The following THSD7B variants were observed in gnomAD, a reference collection of about 807,000 sequenced individuals.
THSD7B encodes thrombospondin type 1 domain containing 7B.
THSD7B carries 138 observed loss-of-function variants against 213.6 expected under a neutral mutation model. That is an observed-to-expected ratio of 0.65 (90% CI 0.56 to 0.74). The LOEUF is 0.74. THSD7B is among the 30% of genes least tolerant of loss of function. THSD7B has a pLI of 0.00. For synonymous variants in THSD7B, 742 were observed against 687.0 expected (o/e 1.08, Z -1.25); for missense variants, 1,931 against 1,991.5 (o/e 0.97, Z 0.58).
intron 8 of THSD7B, among the ~76,000 whole-genome samples, chr2:137,231,577 C>T (rs1450634550): frequency 9.8e-6 from 1 of 101,728 alleles, no homozygotes; most frequent in African/African-American, 2.7e-5. Context: ...CAGTTGGGAA[C>T]ATAATTAGAC....
intron 5 of THSD7B, among the ~76,000 whole-genome samples, chr2:137,123,254 G>GCAATCTGGAGGATA (rs1261584807): frequency 6.6e-6 from 1 of 152,160 alleles, no homozygotes; most frequent in East Asian, 1.9e-4. Context: ...GCTGGATGCT[G>GCAATCTGGAGGATA]CAATCTGGAG....
chr2:136,775,575 A>T (rs1396195569), intron 1 of THSD7B, among the ~76,000 whole-genome samples: 1 of 152,150 alleles, frequency 6.6e-6, no homozygotes, highest in Non-Finnish European at 1.5e-5. Flanking sequence ...CAGTCACACT[A>T]AGTGATCTTT....
At chr2:137,155,594 A>C (rs1246926123) in intron 5 of THSD7B, among the ~76,000 whole-genome samples, 1 of 152,126 alleles carries the variant, frequency 6.6e-6, no homozygotes, top group Admixed American at 6.6e-5. Context: ...CCTTCACTCC[A>C]CCCACTTCCT....
At position 136,874,448 on chromosome 2, in the gene THSD7B, AT is replaced by A. The variant is rs1683492310; in HGVS notation, c.-35-7695del. ...GTTGATCGGCCATCTTTATTGAGCCATCTTCTCTGCACAGTTACCATGAGAT... is the reference window on the plus strand; with the variant it reads ...GTTGATCGGCCATCTTTATTGAGCCACTTCTCTGCACAGTTACCATGAGAT... On this transcript the variant is annotated intron_variant, in intron 1 of 27. Coordinates refer to ENST00000409968, the MANE Select transcript of THSD7B (RefSeq NM_001316349.2). Among the ~76,000 whole-genome samples, 25 of 152,346 alleles carry A rather than the reference AT, an allele frequency of 1.6e-4. No individual in the cohort carries two copies. The East Asian group carries it at 2.3e-3, about 14-fold the overall frequency.
rs571691535 is a variant in THSD7B, at chr2:137,395,179, G to T, written c.2501-10434G>T. ...TTCCTTCTCCTGCCTAATTGCCCTGGCTAGAACTTCCAACACTATGTTGAA... is the reference window on the plus strand; with the variant it reads ...TTCCTTCTCCTGCCTAATTGCCCTGTCTAGAACTTCCAACACTATGTTGAA... On this transcript the variant is annotated intron_variant, in intron 12 of 27. Transcript: ENST00000409968. Among the ~76,000 whole-genome samples the T allele has an allele frequency of 6.0e-3, 869 of 145,160 alleles. 23 individuals are homozygous for T. Among genetic ancestry groups the T allele is most frequent in the Non-Finnish European group, 0.01 (675 of 65,332 alleles).
intron 2 of THSD7B, among the ~76,000 whole-genome samples, chr2:137,003,437 A>G (rs1686039614): frequency 6.6e-6 from 1 of 152,228 alleles, no homozygotes; most frequent in African/African-American, 2.4e-5. Flanking sequence ...GGGGTGTAAC[A>G]ATAGAAGAAT....
rs144124265 is a variant in THSD7B at position 137,061,708 on chromosome 2, A to G, written c.950+4478A>G. ...AACCAGCCTTGTGTATGTGGAATAA[A>G]TCCCACTTAGCTGCGACGTAAATTC... On this transcript the variant is annotated intron_variant, in intron 3 of 27. Transcript: ENST00000409968. 5.9e-5 allele frequency among the ~76,000 whole-genome samples: 9 copies of G among 151,952 alleles called. No individual in the cohort carries two copies. The East Asian group carries it at 1.7e-3, about 29-fold the overall frequency.
Position 137,470,910 on chromosome 2 carries a change from CTTTTT to C in THSD7B, c.3138+19903_3138+19907del, listed in dbSNP as rs70978226. Among the ~76,000 whole-genome samples, 114 of 119,802 alleles carry C rather than the reference CTTTTT, an allele frequency of 9.5e-4. 1 individual carries two copies. Among genetic ancestry groups the C allele is most frequent in the Middle Eastern group, 4.5e-3 (1 of 220 alleles). 78.6% of individuals were successfully genotyped at this position (119,802 alleles called of 152,430 possible). A position where few individuals can be genotyped will look rare whatever the true frequency, so the allele number is the denominator to read the frequency against. On this transcript the variant is annotated intron_variant, in intron 15 of 27. Coordinates refer to ENST00000409968, the MANE Select transcript of THSD7B (RefSeq NM_001316349.2). ...CTTCCTATTTCTTTATTTTTCTTTA[CTTTTT>C]TTTTTTTTTTTTTTTCTTTTTTGAG...
At chr2:137,545,497 G>A (rs1384178005) in intron 15 of THSD7B, among the ~76,000 whole-genome samples, 1 of 151,710 alleles carries the variant, frequency 6.6e-6, no homozygotes, top group Non-Finnish European at 1.5e-5. Flanking sequence ...CCCCCGAAGA[G>A]GACCACATTA....
At chr2:136,994,276 A>G (rs1573755094) in intron 2 of THSD7B, among the ~76,000 whole-genome samples, 1 of 152,160 alleles carries the variant, frequency 6.6e-6, no homozygotes, top group African/African-American at 2.4e-5. Flanking sequence ...AATCTAAGAA[A>G]GCCTATAGGG....
intron 7 of THSD7B, among the ~76,000 whole-genome samples, chr2:137,217,502 G>C (rs554011743): frequency 6.6e-6 from 1 of 152,198 alleles, no homozygotes; most frequent in South Asian, 2.1e-4. Flanking sequence ...CAAACTTAGA[G>C]GTGAAATAAC....
At chr2:136,989,435 T>TTC (rs1685724926) in intron 2 of THSD7B, among the ~76,000 whole-genome samples, 1 of 151,680 alleles carries the variant, frequency 6.6e-6, no homozygotes, top group Non-Finnish European at 1.5e-5. Flanking sequence ...CTCTTGCTTG[T>TTC]TCTCTCTCTC....
At chr2:136,780,303 C>T (rs1681716249) in intron 1 of THSD7B, among the ~76,000 whole-genome samples, 2 of 152,078 alleles carry the variant, frequency 1.3e-5, no homozygotes, top group African/African-American at 4.8e-5. Flanking sequence ...AACCCACTCT[C>T]ACAGCCCTTT....
intron 1 of THSD7B, among the ~76,000 whole-genome samples, chr2:136,858,519 C>A (rs534426694): frequency 1.3e-5 from 2 of 152,296 alleles, no homozygotes; most frequent in South Asian, 4.2e-4. Flanking sequence ...AAAATGTCTT[C>A]TTTTACACAA....
chr2:137,316,145 A>G (rs1299672593), intron 12 of THSD7B, among the ~76,000 whole-genome samples: 1 of 152,244 alleles, frequency 6.6e-6, no homozygotes, highest in African/African-American at 2.4e-5. Context: ...GCGAAGTGGT[A>G]TATATTTTCA....
chr2:137,260,616 T>C (rs1682420805), intron 10 of THSD7B, among the ~76,000 whole-genome samples: 2 of 152,014 alleles, frequency 1.3e-5, no homozygotes, highest in African/African-American at 4.8e-5. Context: ...CAAACAATAA[T>C]AAGGCAGGTG....
At chr2:137,432,054 C>T (rs1422635252) in intron 14 of THSD7B, among the ~76,000 whole-genome samples, 2 of 152,100 alleles carry the variant, frequency 1.3e-5, no homozygotes, top group Non-Finnish European at 2.9e-5. Context: ...TAGCTTCTTC[C>T]ATTCATTGGT....
Position 136,878,672 on chromosome 2 carries a change from T to C in THSD7B, c.-35-3472T>C, listed in dbSNP as rs573709818. On this transcript the variant is annotated intron_variant, in intron 1 of 27. Transcript: ENST00000409968. ...TTTGCATTTCTCTGATGGCCAGTGA[T>C]GATGAGCATTTTTTCATGTCTCTTG... Among the ~76,000 whole-genome samples the C allele has an allele frequency of 7.2e-5, 11 of 152,324 alleles. No individual in the cohort carries two copies. The East Asian group carries it at 2.1e-3, about 29-fold the overall frequency.
intron 2 of THSD7B, among the ~76,000 whole-genome samples, chr2:136,963,951 A>G (rs892307775): frequency 2.0e-5 from 3 of 152,126 alleles, no homozygotes; most frequent in African/African-American, 4.8e-5. Flanking sequence ...ACAGTGTGCT[A>G]TCATAGGTAG....
Sources: gnomAD v4.1 joint callset for allele counts (sites outside exome capture counted in the v4.1 genomes callset) on GRCh38, gnomAD v4.1.1 for gene constraint, MANE v1.5 for transcripts, NCBI Gene and HGNC (gene_info 2026-07-23, HGNC 2026-07-21) for gene names.